Variants in GFRA1 observed in about 807,000 individuals in gnomAD.
GFRA1 encodes the protein GDNF family receptor alpha-1.
A neutral mutation model predicts 51.6 loss-of-function variants in GFRA1; 16 were observed. That is an observed-to-expected ratio of 0.31 (90% confidence interval 0.21 to 0.47). GFRA1 has a LOEUF of 0.47. GFRA1 is among the 20% of genes least tolerant of loss of function. The pLI is 1.00. For synonymous variants in GFRA1, 270 were observed against 241.3 expected (o/e 1.12, Z -1.10); for missense variants, 530 against 594.3 (o/e 0.89, Z 1.13).
At chr10:116,130,032 T>A (rs1440063034) in intron 5 of GFRA1, among the ~76,000 whole-genome samples, 2 of 151,044 alleles carry the variant, frequency 1.3e-5, no homozygotes, top group African/African-American at 4.9e-5. Context: ...TGCAAAAAAA[T>A]TAGAAAATGA....
chr10:116,134,805 T>C (rs905800653), intron 5 of GFRA1, among the ~76,000 whole-genome samples: 1 of 152,202 alleles, frequency 6.6e-6, no homozygotes, highest in Admixed American at 6.5e-5. Context: ...GCTAGCCTTA[T>C]CCATTAGCGC....
chr10:116,124,774 G>C (rs1422655488), intron 6 of GFRA1, among the ~76,000 whole-genome samples: 1 of 152,108 alleles, frequency 6.6e-6, no homozygotes, highest in East Asian at 1.9e-4. Flanking sequence ...GCTGGACACT[G>C]CTCAGTCCCT....
chr10:116,092,916 T>A (rs1956413101), intron 8 of GFRA1, among the ~76,000 whole-genome samples: 1 of 152,242 alleles, frequency 6.6e-6, no homozygotes, highest in African/African-American at 2.4e-5. Flanking sequence ...GGTGTGCATA[T>A]CTGGGTGGAT....
At chr10:116,166,758 C>T (rs1048430604) in intron 5 of GFRA1, among the ~76,000 whole-genome samples, 8 of 146,982 alleles carry the variant, frequency 5.4e-5, no homozygotes, top group Admixed American at 5.4e-4. Context: ...AATTTCCTCC[C>T]TTGAAGGATA....
intron 8 of GFRA1, among the ~76,000 whole-genome samples, chr10:116,092,636 C>G (rs1464384859): frequency 1.3e-5 from 2 of 152,122 alleles, no homozygotes; most frequent in Non-Finnish European, 2.9e-5. Flanking sequence ...GAACAAAGCT[C>G]TTAGGACACA....
At chr10:116,079,077 C>T (rs752867085) in intron 9 of GFRA1, among the ~76,000 whole-genome samples, 20 of 152,026 alleles carry the variant, frequency 1.3e-4, no homozygotes, top group African/African-American at 1.9e-4. Flanking sequence ...TCATCCAGCG[C>T]GCTGGATGCG....
At chr10:116,071,804 A>G (rs1011835107) in intron 9 of GFRA1, among the ~76,000 whole-genome samples, 1 of 152,222 alleles carries the variant, frequency 6.6e-6, no homozygotes, top group African/African-American at 2.4e-5. Flanking sequence ...TACCAACTAA[A>G]TATCACTCCT....
At chr10:116,219,776 C>T (rs182681857) in intron 4 of GFRA1, among the ~76,000 whole-genome samples, 47 of 152,280 alleles carry the variant, frequency 3.1e-4, no homozygotes, top group African/African-American at 1.1e-3. Flanking sequence ...GAAGAAATTA[C>T]GTTATAGCTG....
intron 4 of GFRA1, among the ~76,000 whole-genome samples, chr10:116,258,462 A>G (rs1969062498): frequency 6.7e-6 from 1 of 148,286 alleles, no homozygotes; most frequent in African/African-American, 2.4e-5. Flanking sequence ...TAATGTATAT[A>G]TGTAATATAT....
chr10:116,121,126 T>C (rs552579206), intron 6 of GFRA1, among the ~76,000 whole-genome samples: 20 of 152,210 alleles, frequency 1.3e-4, no homozygotes, highest in African/African-American at 4.8e-4. Flanking sequence ...AGGAACATAT[T>C]TGTGGCACCT....
chr10:116,151,721 T>C (rs1959072154), intron 5 of GFRA1, among the ~76,000 whole-genome samples: 1 of 152,140 alleles, frequency 6.6e-6, no homozygotes. Context: ...AGTGAAGACC[T>C]GGCAGACCAT....
Position 116,060,599 on chromosome 10 carries a change from C to T in GFRA1, c.*3799G>A, listed in dbSNP as rs1429404997. 1 of 152,216 alleles carries T rather than the reference C, an allele frequency of 6.6e-6. No individual in the cohort carries two copies. Among genetic ancestry groups the T allele is most frequent in the African/African-American group, 2.4e-5 (1 of 41,448 alleles). The allele number at this position is 152,216 out of a possible 1,614,324, so 9.4% of individuals were successfully genotyped here. A position where few individuals can be genotyped will look rare whatever the true frequency, so the allele number is the denominator to read the frequency against. ...TGCCCAGGCCAGTGGTAATTCTCTC[C>T]TGCCTGTTGTCATTGCTTTTAGGTC... On this transcript the variant is annotated 3_prime_UTR_variant, in exon 11 of 11. Transcript: ENST00000355422.
chr10:116,089,664 C>T, intron 9 of GFRA1, 77 bp downstream of exon 9: 1 of 1,233,692 alleles, frequency 8.1e-7, no homozygotes, highest in Admixed American at 1.7e-5. Flanking sequence ...GCATACATTT[C>T]AGAAAATGGG....
chr10:116,208,464 T>C (rs1964948936), intron 5 of GFRA1, among the ~76,000 whole-genome samples: 1 of 152,108 alleles, frequency 6.6e-6, no homozygotes, highest in African/African-American at 2.4e-5. Context: ...TGTCATGCCC[T>C]GTGTTTGAGG....
chr10:116,239,310 T>A (rs1407644962), intron 4 of GFRA1, among the ~76,000 whole-genome samples: 14 of 152,326 alleles, frequency 9.2e-5, no homozygotes, highest in African/African-American at 3.4e-4. Flanking sequence ...ATTATCACAG[T>A]GAAATTCAAG....
At chr10:116,083,545 TG>T (rs1227577275) in intron 9 of GFRA1, among the ~76,000 whole-genome samples, 1 of 152,244 alleles carries the variant, frequency 6.6e-6, no homozygotes, top group Non-Finnish European at 1.5e-5. Context: ...GCTGACATAA[TG>T]GGGTCAGTCT....
At chr10:116,148,021 C>G (rs563213427) in intron 5 of GFRA1, among the ~76,000 whole-genome samples, 1 of 106,594 alleles carries the variant, frequency 9.4e-6, no homozygotes, top group African/African-American at 3.3e-5. Context: ...AACGTGTGTG[C>G]GCGCATGCAT....
At chr10:116,158,063 T>C (rs1248385527) in intron 5 of GFRA1, among the ~76,000 whole-genome samples, 1 of 152,206 alleles carries the variant, frequency 6.6e-6, no homozygotes, top group Non-Finnish European at 1.5e-5. Context: ...GTCCTAGTGG[T>C]ACACGGCTTG....
At chr10:116,096,896 C>T (rs112085808) in intron 6 of GFRA1, 132 bp from the exon 7 acceptor site, 199 of 416,496 alleles carry the variant, frequency 4.8e-4, no homozygotes, top group South Asian at 6.1e-4. Context: ...CACACACACA[C>T]ACACATACAC....
Sources: gnomAD v4.1 joint callset for allele counts (sites outside exome capture counted in the v4.1 genomes callset) on GRCh38, gnomAD v4.1.1 for gene constraint, MANE v1.5 for transcripts, NCBI Gene and HGNC (gene_info 2026-07-23, HGNC 2026-07-21) for gene names.